The following ZNF334 variants were observed in gnomAD, a reference collection of about 807,000 sequenced individuals.
The protein encoded by ZNF334 is zinc finger protein 334.
In ZNF334, 14 loss-of-function variants were observed where a neutral mutation model predicts 12.4. That is an observed-to-expected ratio of 1.13 (90% CI 0.74 to 1.76). The LOEUF is 1.76. Among genes scored for constraint, ZNF334 ranks in the 40% most tolerant of loss-of-function variants. The pLI, the probability that ZNF334 is intolerant of heterozygous loss-of-function variation, is 0.00. For synonymous variants in ZNF334, 273 were observed against 269.6 expected, an observed-to-expected ratio of 1.01 and a Z score of -0.12; for missense variants, 797 against 804.5, an observed-to-expected ratio of 0.99 and a Z score of 0.11.
chr20:46,488,236 A>T, the ZNF334 span, among the ~76,000 whole-genome samples: 1 of 146,188 alleles, frequency 6.8e-6, no homozygotes, highest in African/African-American at 2.5e-5. Flanking sequence ...CCTATTTTGG[A>T]TTGATTTTTT....
chr20:46,489,713 C>T, the ZNF334 span, among the ~76,000 whole-genome samples: 3 of 151,570 alleles, frequency 2.0e-5, no homozygotes, highest in Non-Finnish European at 4.4e-5. Flanking sequence ...CCACTTTGTC[C>T]CTTTTATTAC....
rs777939969 is a variant in ZNF334 at position 46,502,865 on chromosome 20, G to A, written c.474C>T (p.Asn158=). The A allele has an allele frequency of 1.9e-6, 3 of 1,613,480 alleles. No individual in the cohort carries two copies. Among genetic ancestry groups the A allele is most frequent in the Non-Finnish European group, 1.7e-6 (2 of 1,179,866 alleles). The change falls in exon 5 of 5, where the codon AAC becomes AAT. Residue 158 remains asparagine, a synonymous_variant. Coordinates refer to ENST00000692313, the MANE Select transcript of ZNF334 (RefSeq NM_001353824.2). ...EVIVAKKSKE[N]RKIPDGYSGF... ...CACTGTATCCATCAGGAATCTTTCT[G>A]TTTTCTTTGCTTTTCTTTGCAACAA... is the stretch of plus-strand genomic sequence containing the variant.
the ZNF334 span, among the ~76,000 whole-genome samples, chr20:46,488,419 T>TTTTTTATATATATATATATA: frequency 2.0e-5 from 2 of 102,240 alleles, no homozygotes; most frequent in African/African-American, 8.7e-5. Flanking sequence ...AGCTCTTATT[T>TTTTTTATATATATATATATA]TATATATATA....
the ZNF334 span, chr20:46,465,046 CAGAG>C: frequency 3.0e-6 from 1 of 334,010 alleles, no homozygotes; most frequent in South Asian, 2.9e-5. Flanking sequence ...TGTGGACTGT[CAGAG>C]AGGGAATGCA....
intron 2 of ZNF334, among the ~76,000 whole-genome samples, chr20:46,506,869 C>T (rs546119657): frequency 3.3e-5 from 5 of 152,042 alleles, no homozygotes; most frequent in Admixed American, 6.6e-5. Flanking sequence ...CACAGCACTT[C>T]GGGAGGCTGA....
the ZNF334 span, chr20:46,476,416 GGAAATAT>G: frequency 6.6e-6 from 1 of 152,160 alleles, no homozygotes; most frequent in Non-Finnish European, 1.5e-5. Flanking sequence ...GTAAAGCTAA[GGAAATAT>G]GAATAAGATC....
the ZNF334 span, chr20:46,481,261 C>A: frequency 3.2e-4 from 49 of 152,232 alleles, no homozygotes; most frequent in African/African-American, 1.2e-3. Flanking sequence ...GGATGCAGCT[C>A]CCCATTCTGG....
At chr20:46,488,426 T>TATATATATATATATATATATATAC in the ZNF334 span, among the ~76,000 whole-genome samples, 1 of 123,590 alleles carries the variant, frequency 8.1e-6, no homozygotes, top group Non-Finnish European at 1.7e-5. Context: ...ATTTTATATA[T>TATATATATATATATATATATATAC]ATATATATAT....
rs2061178346 is a variant in ZNF334, at chr20:46,501,693, C to A, written c.1646G>T (p.Cys549Phe). ...IWERPYECNE[C>F]GRTYCRKSAL... ...TGACTTCCTGCAGTAGGTTCTCCCACATTCATTGCATTCATATGGTCTCTC... is the reference window on the plus strand; with the variant it reads ...TGACTTCCTGCAGTAGGTTCTCCCAAATTCATTGCATTCATATGGTCTCTC... The change falls in exon 5 of 5, where the codon TGT becomes TTT. Residue 549 changes from cysteine to phenylalanine, a missense_variant. Physicochemically the swap from Cys to Phe is radical, Grantham distance 205. Coordinates refer to ENST00000692313, the MANE Select transcript of ZNF334 (RefSeq NM_001353824.2). 6.2e-7 allele frequency: 1 copy of A among 1,614,140 alleles called. No homozygotes were observed. The highest frequency in any genetic ancestry group is 1.1e-5 in the South Asian group (1 of 91,082).
the ZNF334 span, among the ~76,000 whole-genome samples, chr20:46,487,186 T>C: frequency 4.4e-3 from 669 of 152,294 alleles, 17 homozygotes; most frequent in East Asian, 0.051. Flanking sequence ...AGAAGCCCAC[T>C]GCATCCTAGA....
At position 46,501,624 on chromosome 20, in the gene ZNF334, T is replaced by C. The variant is rs769146818; in HGVS notation, c.1715A>G (p.Tyr572Cys). 20 of 1,614,084 alleles carry C rather than the reference T, an allele frequency of 1.2e-5. No individual in the cohort carries two copies. The highest frequency in any genetic ancestry group is 1.0e-4 in the Admixed American group (6 of 60,012). The change falls in exon 5 of 5, where the codon TAT (tyrosine) becomes TGT (cysteine). Residue 572 changes from tyrosine (Y) to cysteine (C), a missense_variant. Tyr to Cys is a radical substitution (Grantham distance 194). Transcript: ENST00000692313. ...HQRTHTGQRPYECNECGKTFC... is the reference protein window; with the variant it reads ...HQRTHTGQRPCECNECGKTFC... ...GGTTTTCCCACATTCATTACACTCA[T>C]AGGGTCTCTGTCCTGTGTGTGTTCT...
the ZNF334 span, among the ~76,000 whole-genome samples, chr20:46,478,426 G>A: frequency 6.6e-6 from 1 of 152,186 alleles, no homozygotes; most frequent in Non-Finnish European, 1.5e-5. Context: ...TAAAGACTTA[G>A]AATCAATGGA....
the ZNF334 span, among the ~76,000 whole-genome samples, chr20:46,469,814 G>A: frequency 6.6e-6 from 1 of 152,018 alleles, no homozygotes. Flanking sequence ...CATGACCTTG[G>A]CTCATTGGCT....
chr20:46,478,727 T>A, the ZNF334 span, among the ~76,000 whole-genome samples: 4 of 152,186 alleles, frequency 2.6e-5, no homozygotes, highest in Non-Finnish European at 5.9e-5. Flanking sequence ...GTTTACATAG[T>A]CTTTGTGCAG....
intron 2 of ZNF334, chr20:46,505,410 G>A (rs937832044): frequency 6.5e-6 from 1 of 153,050 alleles, no homozygotes; most frequent in African/African-American, 2.4e-5. Flanking sequence ...TTCCAAGTGA[G>A]TTCCAGCTAT....
At chr20:46,499,173 CAAAAAAAAA>C (rs61489091), downstream of ZNF334, among the ~76,000 whole-genome samples, 6 of 59,810 alleles carry the variant, frequency 1.0e-4, no homozygotes, top group South Asian at 3.2e-3. Flanking sequence ...GACTCCGTCT[CAAAAAAAAA>C]AAAAAAAAAA....
intron 2 of ZNF334, chr20:46,506,436 G>T: frequency 2.3e-6 from 1 of 430,122 alleles, no homozygotes; most frequent in South Asian, 6.3e-5. Flanking sequence ...GATCAGTCTG[G>T]GCAACACGGC....
chr20:46,495,451 A>G (rs769583294), downstream of ZNF334, among the ~76,000 whole-genome samples: 14 of 152,012 alleles, frequency 9.2e-5, no homozygotes, highest in Admixed American at 2.6e-4. Context: ...TTTAAAGATT[A>G]AATTATCTCT....
At chr20:46,483,611 C>T in the ZNF334 span, among the ~76,000 whole-genome samples, 1 of 152,152 alleles carries the variant, frequency 6.6e-6, no homozygotes, top group Non-Finnish European at 1.5e-5. Context: ...CCTCAGTATT[C>T]ATTGAATTGT....
Sources: allele counts gnomAD v4.1 joint callset (sites outside exome capture counted in the v4.1 genomes callset), GRCh38; gene constraint gnomAD v4.1.1; transcripts MANE v1.5; gene names NCBI Gene and HGNC (gene_info 2026-07-23, HGNC 2026-07-21).